ZNF226: variants seen among roughly 807,000 people sequenced by gnomAD.
The protein encoded by ZNF226 is zinc finger protein 226.
A neutral mutation model predicts 11.4 loss-of-function variants in ZNF226; 6 were observed. The ratio of observed to expected loss-of-function variants is 0.53; its 90% confidence interval spans 0.29 to 1.04. The LOEUF is 1.04. ZNF226 is among the 50% of genes least tolerant of loss of function. The pLI is 0.08. For synonymous variants in ZNF226, 350 were observed against 322.8 expected, an observed-to-expected ratio of 1.08 and a Z score of -0.90; for missense variants, 1,058 against 956.5, an observed-to-expected ratio of 1.11 and a Z score of -1.40.
the ZNF226 span, among the ~76,000 whole-genome samples, chr19:44,197,833 T>A: frequency 2.0e-5 from 3 of 152,244 alleles, no homozygotes; most frequent in African/African-American, 7.2e-5. Context: ...ACTTTCCTTA[T>A]GGTACATTTG....
At chr19:44,194,359 G>A in the ZNF226 span, among the ~76,000 whole-genome samples, 4 of 151,982 alleles carry the variant, frequency 2.6e-5, no homozygotes, top group African/African-American at 4.8e-5. Flanking sequence ...TCACTACAGC[G>A]TTGAACTCCT....
rs187243325 is a variant in ZNF226 at position 44,176,677 on chromosome 19, A to G, written c.1415A>G (p.Glu472Gly). The part of the protein sequence containing the change: ...LQAHQGVHTG[E>G]KSYICTVCGK... ...GCCCATCAGGGAGTTCACACTGGAG[A>G]GAAGTCATACATATGTACTGTATGT... Residue 472 changes from glutamate (E) to glycine (G), a missense_variant, in exon 6 of 6, where the codon GAG (glutamate) becomes GGG (glycine). Glu to Gly is a moderately conservative substitution (Grantham distance 98). Coordinates refer to ENST00000337433, the MANE Select transcript of ZNF226 (RefSeq NM_001032373.2). The G allele has an allele frequency of 3.1e-6, 5 of 1,614,130 alleles. No homozygotes were observed. In the African/African-American group the frequency reaches 6.7e-5, roughly 22 times the overall value.
At position 44,176,809 on chromosome 19, in the gene ZNF226, C is replaced by G. The variant is rs1487337695; in HGVS notation, c.1547C>G (p.Ser516Cys). The G allele has an allele frequency of 1.2e-6, 2 of 1,613,616 alleles. No individual in the cohort carries two copies. Among genetic ancestry groups the G allele is most frequent in the East Asian group, 4.5e-5 (2 of 44,838 alleles). ...TGTGGGAAGAGCTTCAGGAGGAATT[C>G]CCATTATCAAGTTCATCTAGTGGTC... ...NECGKSFRRN[S>C]HYQVHLVVHT... The change falls in exon 6 of 6, where the codon TCC becomes TGC. Residue 516 changes from serine (S) to cysteine (C), a missense_variant. Physicochemically the swap from Ser to Cys is moderately radical, Grantham distance 112. Transcript: ENST00000337433.
At chr19:44,180,086 CAAAAAAAA>C (rs60173546), downstream of ZNF226, among the ~76,000 whole-genome samples, 469 of 54,734 alleles carry the variant, frequency 8.6e-3, 2 homozygotes, top group African/African-American at 0.018. Flanking sequence ...GACTCTGTCT[CAAAAAAAA>C]AAAAAAAAAA....
At chr19:44,196,104 C>T in the ZNF226 span, among the ~76,000 whole-genome samples, 2 of 151,704 alleles carry the variant, frequency 1.3e-5, no homozygotes, top group Non-Finnish European at 2.9e-5. Flanking sequence ...TCATGGACTT[C>T]AAAGAAGCAT....
rs770380297 is a variant in ZNF226, at chr19:44,177,028, G to C, written c.1766G>C (p.Cys589Ser). 43 of 1,613,952 alleles carry C rather than the reference G, an allele frequency of 2.7e-5. No homozygotes were observed. The highest frequency in any genetic ancestry group is 3.3e-5 in the Non-Finnish European group (39 of 1,179,988). ...CATACGGGTGAGAAACCATACAAATGTGAAGAGTGTGGCAAGGGATTTAGT... is the reference window on the plus strand; with the variant it reads ...CATACGGGTGAGAAACCATACAAATCTGAAGAGTGTGGCAAGGGATTTAGT... ...LIHTGEKPYKCEECGKGFSRR... is the reference protein window; with the variant it reads ...LIHTGEKPYKSEECGKGFSRR... Residue 589 changes from cysteine to serine, a missense_variant, in exon 6 of 6, where the codon TGT becomes TCT. By Grantham distance (112) the Cys-to-Ser change is moderately radical (BLOSUM62 -1). Transcript: ENST00000337433.
rs746048316 is a variant in ZNF226 at position 44,177,338 on chromosome 19, G to A, written c.2076G>A (p.Val692=). ...TGAACCTTGACATGCATCAGAGGGT[G>A]CACACAGGAGAAAAACCATATAAAT... ...WSLNLDMHQR[V]HTGEKPYKCG... is the part of the protein sequence containing the mutation. The change falls in exon 6 of 6, where the codon GTG becomes GTA. Residue 692 remains valine (V), a synonymous_variant. Coordinates refer to ENST00000337433, the MANE Select transcript of ZNF226 (RefSeq NM_001032373.2). The A allele has an allele frequency of 1.2e-6, 2 of 1,613,630 alleles. No individual in the cohort carries two copies. Among genetic ancestry groups the A allele is most frequent in the South Asian group, 2.2e-5 (2 of 91,044 alleles).
chr19:44,185,159 A>G, the ZNF226 span, among the ~76,000 whole-genome samples: 1 of 152,302 alleles, frequency 6.6e-6, no homozygotes, highest in Non-Finnish European at 1.5e-5. Context: ...TTCTTTATCC[A>G]TTCTTCTGTC....
chr19:44,185,462 T>C, the ZNF226 span, among the ~76,000 whole-genome samples: 1 of 152,222 alleles, frequency 6.6e-6, no homozygotes, highest in African/African-American at 2.4e-5. Context: ...TGAGGTGATA[T>C]CTCATTACAG....
chr19:44,187,529 T>A, the ZNF226 span, among the ~76,000 whole-genome samples: 3 of 152,052 alleles, frequency 2.0e-5, no homozygotes, highest in South Asian at 6.2e-4. The surrounding 1 kb of genome is among the most constrained non-coding windows in gnomAD (Gnocchi z 4.0). Context: ...GCTAAGAAAT[T>A]AATTTTAATT....
chr19:44,167,187 G>A (rs1228640743), intron 2 of ZNF226, among the ~76,000 whole-genome samples: 1 of 152,082 alleles, frequency 6.6e-6, no homozygotes, highest in African/African-American at 2.4e-5. Flanking sequence ...TGTACTGGAG[G>A]CCTTCTGCCT....
intron 5 of ZNF226, 26 bp from the exon 6 acceptor site, chr19:44,175,471 AT>A (rs1416997849): frequency 1.3e-6 from 2 of 1,536,558 alleles, no homozygotes; most frequent in Non-Finnish European, 1.7e-6. Flanking sequence ...AAAATTCACT[AT>A]CTCTCTGAAT....
At chr19:44,182,554 G>A (rs1419325264), downstream of ZNF226, among the ~76,000 whole-genome samples, 1 of 152,174 alleles carries the variant, frequency 6.6e-6, no homozygotes, top group African/African-American at 2.4e-5. Flanking sequence ...TGTACTCTGG[G>A]AAGATTCGGA....
At position 44,177,356 on chromosome 19, in the gene ZNF226, A is replaced by C; in HGVS notation, c.2094A>C (p.Pro698=). ...MHQRVHTGEK[P]YKCGECGKYF... ...AGAGGGTGCACACAGGAGAAAAACC[A>C]TATAAATGTGGGGAGTGTGGTAAGT... Residue 698 remains proline (P), a synonymous_variant, in exon 6 of 6, where the codon CCA becomes CCC. Coordinates refer to ENST00000337433, the MANE Select transcript of ZNF226 (RefSeq NM_001032373.2). 1 of 1,614,118 alleles carries C rather than the reference A, an allele frequency of 6.2e-7. No homozygotes were observed. Among genetic ancestry groups the C allele is most frequent in the South Asian group, 1.1e-5 (1 of 91,076 alleles).
At position 44,177,524 on chromosome 19, in the gene ZNF226, T is replaced by C. The variant is rs757326669; in HGVS notation, c.2262T>C (p.Pro754=). The C allele has an allele frequency of 3.1e-6, 5 of 1,614,002 alleles. No homozygotes were observed. The African/African-American group carries it at 6.7e-5, about 22-fold the overall frequency. The change falls in exon 6 of 6, where the codon CCT becomes CCC. Residue 754 remains proline (P), a synonymous_variant. Coordinates refer to ENST00000337433, the MANE Select transcript of ZNF226 (RefSeq NM_001032373.2). The stretch of plus-strand genomic sequence containing the variant: ...AGCGAGTTCACACTGGGGAGAAACC[T>C]TATAAATGTGAGATATGTGGTAAGA... ...SHQRVHTGEK[P]YKCEICGKSF...
At chr19:44,195,749 A>G in the ZNF226 span, among the ~76,000 whole-genome samples, 979 of 152,284 alleles carry the variant, frequency 6.4e-3, 15 homozygotes, top group African/African-American at 0.023. Context: ...CTTATCAGGT[A>G]TATGTGCATG....
the ZNF226 span, among the ~76,000 whole-genome samples, chr19:44,199,118 A>T: frequency 1.3e-5 from 2 of 152,016 alleles, no homozygotes; most frequent in Non-Finnish European, 2.9e-5. Context: ...AACTTTTCTT[A>T]AGCTGTATGG....
chr19:44,177,380 G>C lies in ZNF226; in HGVS notation c.2118G>C (p.Lys706Asn), dbSNP rs768113062. The C allele has an allele frequency of 1.6e-4, 251 of 1,613,930 alleles. No individual in the cohort carries two copies. Among genetic ancestry groups the C allele is most frequent in the Non-Finnish European group, 2.1e-4 (248 of 1,180,018 alleles). ...EKPYKCGECG[K>N]YFSQASSLQL... ...CATATAAATGTGGGGAGTGTGGTAA[G>C]TACTTCAGTCAGGCCTCAAGTCTTC... The change falls in exon 6 of 6, where the codon AAG becomes AAC. Residue 706 changes from lysine (K) to asparagine (N), a missense_variant. Transcript: ENST00000337433.
chr19:44,177,562 G>A lies in ZNF226; in HGVS notation c.2300G>A (p.Arg767Gln), dbSNP rs201130354. The change falls in exon 6 of 6, where the codon CGA becomes CAA. Residue 767 changes from arginine (R) to glutamine (Q), a missense_variant. Physicochemically the swap from Arg to Gln is conservative, Grantham distance 43. Transcript: ENST00000337433. The part of the protein sequence containing the change: ...CEICGKSFSW[R>Q]SNLTVHHRIH... ...ATATGTGGTAAGAGCTTCAGTTGGC[G>A]ATCAAATCTTACAGTTCATCACAGA... is the stretch of plus-strand genomic sequence containing the variant. 542 of 1,613,842 alleles carry A rather than the reference G, an allele frequency of 3.4e-4. No individual in the cohort carries two copies. The highest frequency in any genetic ancestry group is 2.6e-4 in the Non-Finnish European group (302 of 1,179,926).
Sources: allele counts gnomAD v4.1 joint callset (sites outside exome capture counted in the v4.1 genomes callset), GRCh38; gene constraint gnomAD v4.1.1; non-coding constraint Gnocchi (gnomAD v3.1); transcripts MANE v1.5; gene names NCBI Gene and HGNC (gene_info 2026-07-23, HGNC 2026-07-21).